UNC5D: variants seen among roughly 807,000 people sequenced by gnomAD.
UNC5D encodes the protein netrin receptor UNC5D.
A neutral mutation model predicts 105.4 loss-of-function variants in UNC5D; 39 were observed. That is an observed-to-expected ratio of 0.37 (90% CI 0.29 to 0.48). The LOEUF is 0.48. Among genes scored for constraint, UNC5D ranks in the 20% least tolerant of loss-of-function variants. The pLI is 0.98. For synonymous variants in UNC5D, 452 were observed against 450.4 expected, an observed-to-expected ratio of 1.00 and a Z score of -0.04; for missense variants, 991 against 1,202.4, an observed-to-expected ratio of 0.82 and a Z score of 2.60.
At chr8:35,453,271 T>C (rs564466992) in intron 1 of UNC5D, among the ~76,000 whole-genome samples, 1 of 152,284 alleles carries the variant, frequency 6.6e-6, no homozygotes, top group African/African-American at 2.4e-5. Context: ...TTTTTAGCCA[T>C]GACCAGTGAG....
At chr8:35,335,581 G>A (rs1218672132) in intron 1 of UNC5D, among the ~76,000 whole-genome samples, 2 of 151,930 alleles carry the variant, frequency 1.3e-5, no homozygotes, top group Non-Finnish European at 2.9e-5. Context: ...TATATCTCAG[G>A]AAAATGTGTT....
chr8:35,296,200 G>A (rs899554842), intron 1 of UNC5D, among the ~76,000 whole-genome samples: 2 of 152,122 alleles, frequency 1.3e-5, no homozygotes, highest in African/African-American at 4.8e-5. Flanking sequence ...TGGTTACATG[G>A]TAGCTTTATT....
chr8:35,378,712 T>G (rs1802846846), intron 1 of UNC5D, among the ~76,000 whole-genome samples: 1 of 152,164 alleles, frequency 6.6e-6, no homozygotes, highest in Admixed American at 6.5e-5. Flanking sequence ...CATTTTACTA[T>G]ATTTGCCAGT....
intron 11 of UNC5D, among the ~76,000 whole-genome samples, chr8:35,740,517 T>C (rs1829705666): frequency 1.3e-5 from 2 of 152,180 alleles, no homozygotes; most frequent in Admixed American, 1.3e-4. Flanking sequence ...TAATTTGTGA[T>C]TTAAGCCAGT....
chr8:35,719,115 G>C (rs1418490539), intron 8 of UNC5D, among the ~76,000 whole-genome samples: 3 of 146,546 alleles, frequency 2.0e-5, no homozygotes, highest in African/African-American at 7.5e-5. Flanking sequence ...TTCTTCAGGG[G>C]CACTGCTTAC....
intron 1 of UNC5D, among the ~76,000 whole-genome samples, chr8:35,476,301 G>A (rs193092251): frequency 3.3e-5 from 5 of 152,268 alleles, no homozygotes; most frequent in East Asian, 1.9e-4. Flanking sequence ...CCCAACACCC[G>A]AGTTATAATC....
chr8:35,555,806 C>G (rs1816498049), intron 2 of UNC5D, among the ~76,000 whole-genome samples: 1 of 146,132 alleles, frequency 6.8e-6, no homozygotes, highest in Admixed American at 7.0e-5. Flanking sequence ...AGCCTGCCAA[C>G]AGAGCAAGAC....
At chr8:35,361,206 G>A (rs1801833604) in intron 1 of UNC5D, among the ~76,000 whole-genome samples, 1 of 151,982 alleles carries the variant, frequency 6.6e-6, no homozygotes, top group Non-Finnish European at 1.5e-5. Context: ...TAGAGGACCT[G>A]GGTTCTGGTC....
At chr8:35,420,412 A>C (rs1157217494) in intron 1 of UNC5D, among the ~76,000 whole-genome samples, 1 of 152,064 alleles carries the variant, frequency 6.6e-6, no homozygotes, top group East Asian at 1.9e-4. Context: ...TTTCCCCTCC[A>C]CTAGTGCCTT....
At chr8:35,663,097 T>C (rs1824211881) in intron 4 of UNC5D, among the ~76,000 whole-genome samples, 1 of 152,066 alleles carries the variant, frequency 6.6e-6, no homozygotes. Context: ...CAGTCCATGG[T>C]GCCAAAAAGG....
intron 1 of UNC5D, among the ~76,000 whole-genome samples, chr8:35,306,799 A>G (rs1423804884): frequency 1.3e-5 from 2 of 152,136 alleles, no homozygotes; most frequent in Non-Finnish European, 2.9e-5. Flanking sequence ...ACATTTTTCT[A>G]TGCCTACATT....
chr8:35,320,725 T>G (rs573230081), intron 1 of UNC5D, among the ~76,000 whole-genome samples: 18 of 152,156 alleles, frequency 1.2e-4, no homozygotes, highest in African/African-American at 2.9e-4. Context: ...TGCCTGGACA[T>G]CCAAAGGGAG....
At chr8:35,502,487 T>C (rs1205403788) in intron 1 of UNC5D, among the ~76,000 whole-genome samples, 1 of 152,198 alleles carries the variant, frequency 6.6e-6, no homozygotes, top group African/African-American at 2.4e-5. Flanking sequence ...AAATAAAATA[T>C]CTCAAATGGA....
intron 1 of UNC5D, among the ~76,000 whole-genome samples, chr8:35,537,793 C>T (rs1386250585): frequency 1.3e-5 from 2 of 151,178 alleles, no homozygotes; most frequent in Non-Finnish European, 2.9e-5. Flanking sequence ...AAGATATCTG[C>T]TAATGCATCA....
At chr8:35,557,160 C>CT (rs769008424) in intron 2 of UNC5D, among the ~76,000 whole-genome samples, 10 of 152,170 alleles carry the variant, frequency 6.6e-5, no homozygotes, top group South Asian at 2.1e-4. Flanking sequence ...CGCCTCTTCA[C>CT]TTTCTCTTCT....
At chr8:35,579,275 A>G (rs1818317340) in intron 3 of UNC5D, among the ~76,000 whole-genome samples, 1 of 152,236 alleles carries the variant, frequency 6.6e-6, no homozygotes, top group South Asian at 2.1e-4. Flanking sequence ...GATGCATTCC[A>G]GAAACTTGCC....
At chr8:35,649,480 C>T (rs1037264113) in intron 4 of UNC5D, among the ~76,000 whole-genome samples, 10 of 152,176 alleles carry the variant, frequency 6.6e-5, no homozygotes, top group Admixed American at 2.6e-4. Flanking sequence ...TTTTACTTGA[C>T]CTTCATGTAG....
At chr8:35,428,346 A>ATTT (rs35131097) in intron 1 of UNC5D, among the ~76,000 whole-genome samples, 1,325 of 92,706 alleles carry the variant, frequency 0.014, 70 homozygotes, top group African/African-American at 0.043. Flanking sequence ...ATGCCTGGCT[A>ATTT]TTTTTTTTTT....
intron 4 of UNC5D, among the ~76,000 whole-genome samples, chr8:35,667,808 A>G (rs769942343): frequency 3.2e-4 from 49 of 152,206 alleles, no homozygotes; most frequent in Non-Finnish European, 6.5e-4. Context: ...TGATGGTTGC[A>G]TAGTATTTCA....
Sources: allele counts gnomAD v4.1 joint callset (sites outside exome capture counted in the v4.1 genomes callset), GRCh38; gene constraint gnomAD v4.1.1; transcripts MANE v1.5; gene names NCBI Gene and HGNC (gene_info 2026-07-23, HGNC 2026-07-21).